The following FAM120B variants were observed in gnomAD, a reference collection of about 807,000 sequenced individuals.
FAM120B encodes family with sequence similarity 120 member B.
FAM120B carries 83 observed loss-of-function variants against 96.3 expected under a neutral mutation model. That is an observed-to-expected ratio of 0.86 (90% confidence interval 0.72 to 1.03). FAM120B has a LOEUF of 1.03. FAM120B is among the 50% of genes least tolerant of loss of function. The probability of loss-of-function intolerance (pLI) is 0.00; values close to 1 mark genes in which losing one functional copy is unlikely to be tolerated. For missense variants in FAM120B, 1,027 were observed against 1,121.2 expected (o/e 0.92, Z 1.20); for synonymous variants, 407 against 402.7 (o/e 1.01, Z -0.13).
intron 9 of FAM120B, among the ~76,000 whole-genome samples, chr6:170,402,259 G>A (rs1778626347): frequency 6.6e-6 from 1 of 152,224 alleles, no homozygotes; most frequent in Admixed American, 6.5e-5. Context: ...GGCTGTGGGG[G>A]TGGCAGAGGT....
At chr6:170,325,118 C>T (rs1006444952) in intron 3 of FAM120B, among the ~76,000 whole-genome samples, 1 of 152,144 alleles carries the variant, frequency 6.6e-6, no homozygotes, top group Non-Finnish European at 1.5e-5. Context: ...GGTGCATATA[C>T]GTTGAGGACT....
chr6:170,337,061 C>T (rs1329993740), intron 4 of FAM120B, among the ~76,000 whole-genome samples: 3 of 152,100 alleles, frequency 2.0e-5, no homozygotes, highest in African/African-American at 4.8e-5. Context: ...ACAGAACTTC[C>T]AATACTGTGT....
rs1789639624 is a variant in FAM120B at position 170,377,761 on chromosome 6, TGTG to T, written c.2284-10525_2284-10523del. 5.8e-5 allele frequency among the ~76,000 whole-genome samples: 4 copies of T among 68,926 alleles called. No individual in the cohort carries two copies. In the South Asian group the frequency reaches 2.0e-3, roughly 35 times the overall value. The allele number at this position is 68,926 out of a possible 152,430, so 45.2% of individuals were successfully genotyped here. Reference sequence around the variant, plus strand: ...GGGAGAACACAGGCTCACGCTGCTCTGTGCTGTGCACACGCGTCCCTAATCCCA... The same window carrying T: ...GGGAGAACACAGGCTCACGCTGCTCTCTGTGCACACGCGTCCCTAATCCCA... On this transcript the variant is annotated intron_variant, in intron 6 of 10. Transcript: ENST00000476287.
Position 170,361,217 on chromosome 6 carries a change from T to TACATAC in FAM120B, c.2283+2900_2283+2901insCATACA, listed in dbSNP as rs1562566883. On this transcript the variant is annotated intron_variant, in intron 6 of 10. Transcript: ENST00000476287. ...ATACGTGTATATATATATATATATA[T>TACATAC]ATATATATATATATATATACACGTA... Among the ~76,000 whole-genome samples, 82 of 88,652 alleles carry TACATAC rather than the reference T, an allele frequency of 9.2e-4. 2 individuals carry two copies. Among genetic ancestry groups the TACATAC allele is most frequent in the African/African-American group, 4.1e-3 (79 of 19,218 alleles). The allele number at this position is 88,652 out of a possible 152,430, so 58.2% of individuals were successfully genotyped here.
intron 4 of FAM120B, among the ~76,000 whole-genome samples, chr6:170,333,167 C>T (rs1046536664): frequency 6.7e-6 from 1 of 149,584 alleles, no homozygotes; most frequent in Non-Finnish European, 1.5e-5. Context: ...CCACCGCCCC[C>T]CCGCCCCCCG....
At chr6:170,351,320 A>G (rs1397316213) in intron 5 of FAM120B, among the ~76,000 whole-genome samples, 1 of 152,240 alleles carries the variant, frequency 6.6e-6, no homozygotes, top group Non-Finnish European at 1.5e-5. Context: ...CTTATGACTG[A>G]TTGGGGTACC....
rs1583197580 is a variant in FAM120B, at chr6:170,321,945, A to G, written c.1735-1134A>G. Among the ~76,000 whole-genome samples the G allele has an allele frequency of 2.0e-5, 3 of 152,368 alleles. 1 individual carries two copies. Among genetic ancestry groups the G allele is most frequent in the Admixed American group, 2.0e-4 (3 of 15,306 alleles). On this transcript the variant is annotated intron_variant, in intron 2 of 10. Transcript: ENST00000476287. ...ATTCAGAGTTTTTGGTATCCAGGTT[A>G]TTCTAGCATCACATTTTAATGCCTT...
chr6:170,291,162 C>G (rs1254303136), upstream of FAM120B: 87 of 663,840 alleles, frequency 1.3e-4, no homozygotes, highest in East Asian at 2.4e-3. Flanking sequence ...CCCAGCCCCC[C>G]CTTCCTCCCT....
rs1457616028 is a variant in FAM120B at position 170,317,999 on chromosome 6, C to T, written c.609C>T (p.Thr203=). The part of the protein sequence containing the change: ...ISELCLESLD[T]VMLCREKLCE... The stretch of plus-strand genomic sequence containing the variant: ...AGCTCTGCCTAGAGAGCCTGGACAC[C>T]GTCATGCTCTGCAGAGAGAAGCTCT... Residue 203 remains threonine (T), a synonymous_variant, in exon 2 of 11, where the codon ACC becomes ACT. Transcript: ENST00000476287. 2.4e-5 allele frequency: 39 copies of T among 1,613,540 alleles called. No homozygotes were observed. The highest frequency in any genetic ancestry group is 1.3e-4 in the East Asian group (6 of 44,888).
chr6:170,318,116 T>C lies in FAM120B; in HGVS notation c.726T>C (p.Phe242=). Residue 242 remains phenylalanine, a synonymous_variant, in exon 2 of 11, where the codon TTT becomes TTC. Coordinates refer to ENST00000476287, the MANE Select transcript of FAM120B (RefSeq NM_032448.3). Reference sequence around the variant, plus strand: ...TCCCAGAGGGCATGTTTGAAAGCTTTAGGTACAAATGCTTATCGTCCTACA... The same window carrying C: ...TCCCAGAGGGCATGTTTGAAAGCTTCAGGTACAAATGCTTATCGTCCTACA... ...DIIPEGMFES[F]RYKCLSSYTS... The C allele has an allele frequency of 6.2e-7, 1 of 1,614,226 alleles. No individual in the cohort carries two copies.
intron 4 of FAM120B, among the ~76,000 whole-genome samples, chr6:170,344,703 G>A (rs1193042165): frequency 6.6e-6 from 1 of 152,198 alleles, no homozygotes; most frequent in Non-Finnish European, 1.5e-5. Flanking sequence ...ATCGTTGCGT[G>A]GATCCATTCC....
At chr6:170,404,450 G>A (rs755286163) in intron 9 of FAM120B, 100 bp from the exon 10 acceptor site, 33 of 1,026,644 alleles carry the variant, frequency 3.2e-5, no homozygotes, top group Non-Finnish European at 4.7e-5. Flanking sequence ...TCCAAATACA[G>A]CTCAGCATCT....
chr6:170,308,014 C>T (rs1784386383), intron 1 of FAM120B, among the ~76,000 whole-genome samples: 1 of 152,184 alleles, frequency 6.6e-6, no homozygotes, highest in African/African-American at 2.4e-5. Context: ...CAAGTTCCTC[C>T]GTGTCTAGTG....
chr6:170,344,505 C>G (rs1413878537), intron 4 of FAM120B, among the ~76,000 whole-genome samples: 1 of 147,356 alleles, frequency 6.8e-6, no homozygotes, highest in Non-Finnish European at 1.5e-5. Flanking sequence ...CTGAGCAGCC[C>G]CACCTTGGAA....
At chr6:170,374,989 C>A (rs1165289730) in intron 6 of FAM120B, among the ~76,000 whole-genome samples, 1 of 152,170 alleles carries the variant, frequency 6.6e-6, no homozygotes, top group African/African-American at 2.4e-5. Context: ...TGAGCTGAAC[C>A]AAATCCAGTT....
intron 4 of FAM120B, among the ~76,000 whole-genome samples, chr6:170,332,921 A>G (rs1786157202): frequency 6.6e-6 from 1 of 151,942 alleles, no homozygotes; most frequent in South Asian, 2.1e-4. Context: ...TTTTTTTTTA[A>G]AGTCTTTTTC....
At chr6:170,315,632 T>G (rs1362590712) in intron 1 of FAM120B, among the ~76,000 whole-genome samples, 2 of 151,826 alleles carry the variant, frequency 1.3e-5, no homozygotes, top group African/African-American at 4.9e-5. Flanking sequence ...AATAACTTTA[T>G]GAGCAAGCCT....
At chr6:170,374,804 A>C (rs1789411297) in intron 6 of FAM120B, among the ~76,000 whole-genome samples, 1 of 152,200 alleles carries the variant, frequency 6.6e-6, no homozygotes, top group Non-Finnish European at 1.5e-5. Context: ...CCTAAGGAGT[A>C]TTCACCTGTC....
At chr6:170,358,163 A>T in intron 5 of FAM120B, 63 bp from the exon 6 acceptor site, 1 of 1,369,452 alleles carries the variant, frequency 7.3e-7, no homozygotes. Flanking sequence ...AACTGAGATC[A>T]ATTTGTAAGA....
Sources: allele counts gnomAD v4.1 joint callset (sites outside exome capture counted in the v4.1 genomes callset), GRCh38; gene constraint gnomAD v4.1.1; transcripts MANE v1.5; gene names NCBI Gene and HGNC (gene_info 2026-07-23, HGNC 2026-07-21).